Variants in DOCK8 observed in about 807,000 individuals in gnomAD.
DOCK8 encodes dedicator of cytokinesis protein 8.
In DOCK8, 141 loss-of-function variants were observed where a neutral mutation model predicts 245.6. The observed-to-expected ratio is 0.57, with a 90% CI of 0.50 to 0.66. The LOEUF (loss-of-function observed/expected upper bound fraction) is 0.66, where lower values mean the gene tolerates loss of function less well. DOCK8 is among the 30% of genes least tolerant of loss of function. The pLI is 0.00. For missense variants in DOCK8, 2,965 were observed against 2,603.4 expected (o/e 1.14, Z -3.02); for synonymous variants, 1,168 against 970.2 (o/e 1.20, Z -3.79).
chr9:368,572 G>A (rs2053128654), intron 15 of DOCK8: 2 of 331,632 alleles, frequency 6.0e-6, no homozygotes, highest in South Asian at 5.7e-5. Flanking sequence ...TGAATACAAA[G>A]TACCGCCTAG....
chr9:355,790 TAACTCCCAACCGCACACTCACCTCCC>T (rs2052412478), intron 14 of DOCK8, among the ~76,000 whole-genome samples: 1 of 152,126 alleles, frequency 6.6e-6, no homozygotes, highest in Admixed American at 6.5e-5. Flanking sequence ...TATTCCTCCC[TAACTCCCAACCGCACACTCACCTCCC>T]AAGCATCTGC....
At chr9:446,636 G>T in intron 44 of DOCK8, 30 bp downstream of exon 44, 1 of 1,605,420 alleles carries the variant, frequency 6.2e-7, no homozygotes, top group Non-Finnish European at 8.5e-7. Context: ...GGCCACCACT[G>T]GATGAGTGGG....
chr9:240,117 G>A (rs1476840321), intron 1 of DOCK8, among the ~76,000 whole-genome samples: 1 of 152,152 alleles, frequency 6.6e-6, no homozygotes, highest in Non-Finnish European at 1.5e-5. Context: ...AAGGTTTTGT[G>A]TGGCATCTGC....
At chr9:327,490 T>C (rs1000715699) in intron 8 of DOCK8, among the ~76,000 whole-genome samples, 1 of 150,452 alleles carries the variant, frequency 6.6e-6, no homozygotes, top group East Asian at 2.0e-4. Context: ...GCCTCCCGGG[T>C]TCAAGTGATC....
intron 1 of DOCK8, among the ~76,000 whole-genome samples, chr9:240,218 A>C (rs977495004): frequency 6.6e-6 from 1 of 152,180 alleles, no homozygotes; most frequent in Non-Finnish European, 1.5e-5. Context: ...TTTGTATTCA[A>C]ATAAGTACAA....
intron 1 of DOCK8, among the ~76,000 whole-genome samples, chr9:238,801 G>A (rs1020986994): frequency 7.9e-5 from 12 of 152,264 alleles, no homozygotes; most frequent in African/African-American, 2.9e-4. Flanking sequence ...TTTCATATAA[G>A]AAAAATTAAT....
At chr9:275,098 C>G (rs2048291139) in intron 2 of DOCK8, among the ~76,000 whole-genome samples, 1 of 152,202 alleles carries the variant, frequency 6.6e-6, no homozygotes, top group Non-Finnish European at 1.5e-5. Context: ...GCCACTTAAT[C>G]TCTCTGAAGA....
intron 5 of DOCK8, among the ~76,000 whole-genome samples, chr9:309,993 C>A (rs534795829): frequency 6.6e-6 from 1 of 152,092 alleles, no homozygotes; most frequent in Non-Finnish European, 1.5e-5. Context: ...CGTGGCCAAG[C>A]GTGGTGGCTC....
chr9:407,166 C>A (rs1401440802), intron 28 of DOCK8, 97 bp downstream of exon 28: 1 of 1,533,550 alleles, frequency 6.5e-7, no homozygotes, highest in Non-Finnish European at 8.9e-7. Flanking sequence ...GTAAAAAACT[C>A]TACTGTAGTT....
At chr9:304,549 T>C in intron 4 of DOCK8, 32 bp from the exon 5 acceptor site, 1 of 1,613,614 alleles carries the variant, frequency 6.2e-7, no homozygotes, top group Non-Finnish European at 8.5e-7. Context: ...TCTCCCTCTT[T>C]CTCTCTCCAA....
At chr9:325,816 T>C in intron 8 of DOCK8, 79 bp downstream of exon 8, 1 of 1,347,902 alleles carries the variant, frequency 7.4e-7, no homozygotes, top group Non-Finnish European at 1.1e-6. Flanking sequence ...TTAAATTTCT[T>C]TGCAGCAAGA....
At chr9:367,656 T>C (rs913250786) in intron 14 of DOCK8, among the ~76,000 whole-genome samples, 1 of 152,200 alleles carries the variant, frequency 6.6e-6, no homozygotes, top group Non-Finnish European at 1.5e-5. Context: ...AGTAGGCCAT[T>C]ATCTATGGCC....
At chr9:400,051 ATCACCACCTCCT>A (rs2054717954) in intron 26 of DOCK8, among the ~76,000 whole-genome samples, 1 of 106,946 alleles carries the variant, frequency 9.4e-6, no homozygotes, top group African/African-American at 5.0e-5. Context: ...CACCTCCACC[ATCACCACCTCCT>A]TCACCATCAC....
At chr9:342,539 G>T (rs552633683) in intron 14 of DOCK8, among the ~76,000 whole-genome samples, 4 of 151,590 alleles carry the variant, frequency 2.6e-5, no homozygotes, top group Non-Finnish European at 5.9e-5. Context: ...ACATGATCTC[G>T]GTTCACTGCA....
At chr9:384,842 G>A (rs1266550565) in intron 22 of DOCK8, among the ~76,000 whole-genome samples, 2 of 152,164 alleles carry the variant, frequency 1.3e-5, no homozygotes, top group Non-Finnish European at 2.9e-5. Context: ...CGTGAACCCG[G>A]GAGGCGGAGC....
At chr9:276,596 C>A (rs1468498256) in intron 2 of DOCK8, among the ~76,000 whole-genome samples, 1 of 152,058 alleles carries the variant, frequency 6.6e-6, no homozygotes, top group Non-Finnish European at 1.5e-5. Flanking sequence ...ACACTCCTAC[C>A]AAAATCCTTT....
intron 33 of DOCK8, among the ~76,000 whole-genome samples, chr9:424,750 T>C (rs940915155): frequency 2.0e-5 from 3 of 152,228 alleles, no homozygotes; most frequent in Non-Finnish European, 4.4e-5. Context: ...GTGTTAGTGA[T>C]GGTTGCACAA....
At chr9:418,316 G>A in intron 30 of DOCK8, 109 bp downstream of exon 30, 16 of 1,460,228 alleles carry the variant, frequency 1.1e-5, no homozygotes, top group Non-Finnish European at 1.4e-5. Flanking sequence ...CTGTTGCACA[G>A]GCTGGAGTGC....
intron 23 of DOCK8, 29 bp downstream of exon 23, chr9:386,455 C>A (rs748888347): frequency 6.3e-7 from 1 of 1,590,528 alleles, no homozygotes; most frequent in Non-Finnish European, 8.6e-7. Flanking sequence ...TGAGGTTCAT[C>A]CCAGGATAAG....
Sources: gnomAD v4.1 joint callset for allele counts (sites outside exome capture counted in the v4.1 genomes callset) on GRCh38, gnomAD v4.1.1 for gene constraint, MANE v1.5 for transcripts, NCBI Gene and HGNC (gene_info 2026-07-23, HGNC 2026-07-21) for gene names.